The following MUSK variants were observed in gnomAD, a reference collection of about 807,000 sequenced individuals.
The protein encoded by MUSK is muscle, skeletal receptor tyrosine-protein kinase.
MUSK carries 55 observed loss-of-function variants against 88.7 expected under a neutral mutation model. That is an observed-to-expected ratio of 0.62 (90% CI 0.50 to 0.78). MUSK has a LOEUF of 0.78. MUSK is among the 30% of genes least tolerant of loss of function. The pLI is 0.00. For missense variants in MUSK, 1,015 were observed against 1,074.3 expected (o/e 0.94, Z 0.77); for synonymous variants, 387 against 391.9 (o/e 0.99, Z 0.15).
chr9:110,753,403 G>T lies in MUSK; in HGVS notation c.913+5603G>T, dbSNP rs377298576. 2.7e-5 allele frequency among the ~76,000 whole-genome samples: 4 copies of T among 150,306 alleles called. No individual in the cohort carries two copies. The East Asian group carries it at 7.8e-4, about 29-fold the overall frequency. On this transcript the variant is annotated intron_variant, in intron 7 of 14. Transcript: ENST00000374448. The stretch of plus-strand genomic sequence containing the variant: ...GCTGAAATTGCACCACTGCACCACG[G>T]CACTCCAGCCTGAGCAATAGAGTGA...
At chr9:110,682,459 C>T (rs1564210847) in intron 1 of MUSK, among the ~76,000 whole-genome samples, 1 of 151,980 alleles carries the variant, frequency 6.6e-6, no homozygotes, top group Admixed American at 6.6e-5. Flanking sequence ...AACTCTAAGC[C>T]CTGCTCTCCT....
chr9:110,747,500 G>C lies in MUSK; in HGVS notation c.754-141G>C, dbSNP rs897928703. 1.3e-5 allele frequency: 10 copies of C among 787,154 alleles called. No homozygotes were observed. In the Admixed American group the frequency reaches 2.0e-4, roughly 16 times the overall value. 48.8% of individuals were successfully genotyped at this position (787,154 alleles called of 1,614,324 possible). A position where few individuals can be genotyped will look rare whatever the true frequency, so the allele number is the denominator to read the frequency against. ...GTCACATTGCAAGGGCATGGACACA[G>C]GGAGGGAAAATCTTTTGGCTATGTT... is the stretch of plus-strand genomic sequence containing the variant. On this transcript the variant is annotated intron_variant, in intron 6 of 14. Coordinates refer to ENST00000374448, the MANE Select transcript of MUSK (RefSeq NM_005592.4).
intron 11 of MUSK, 143 bp downstream of exon 11, chr9:110,776,798 T>C: frequency 1.5e-6 from 1 of 681,364 alleles, no homozygotes. Context: ...ATCCAGGGTA[T>C]AACATGAGGG....
At position 110,695,068 on chromosome 9, in the gene MUSK, G is replaced by A. The variant is rs10980530; in HGVS notation, c.359-335G>A. 0.16 allele frequency among the ~76,000 whole-genome samples: 24,696 copies of A among 152,008 alleles called. 2,096 individuals are homozygous for A. Among genetic ancestry groups the A allele is most frequent in the East Asian group, 0.21 (1,099 of 5,158 alleles). ...TGTCTATCAGTATGAATTAAATAAT[G>A]TTGAATTGCTATGGTGACAGTCTAT... On this transcript the variant is annotated intron_variant, in intron 3 of 14. Transcript: ENST00000374448.
At chr9:110,689,711 C>CTA (rs1229456743) in intron 3 of MUSK, among the ~76,000 whole-genome samples, 1 of 32,704 alleles carries the variant, frequency 3.1e-5, no homozygotes, top group Non-Finnish European at 4.9e-5. Context: ...AAATATATAA[C>CTA]TATATATGTT....
In MUSK at chr9:110,701,663, T is replaced by G. The variant is rs1422426164; in HGVS notation, c.628+4197T>G. On this transcript the variant is annotated intron_variant, in intron 5 of 14. Transcript: ENST00000374448. ...TACTGTGCTCAGCTATTTATTTTAT[T>G]TATTTTATTTTATTTTTTTTACTTT... Among the ~76,000 whole-genome samples the G allele has an allele frequency of 7.8e-5, 2 of 25,696 alleles. 1 individual carries two copies. Among genetic ancestry groups the G allele is most frequent in the Non-Finnish European group, 1.4e-4 (2 of 14,166 alleles). The allele number at this position is 25,696 out of a possible 152,430, so 16.9% of individuals were successfully genotyped here.
At chr9:110,730,493 TATTTA>T (rs967045014) in intron 5 of MUSK, among the ~76,000 whole-genome samples, 2 of 152,116 alleles carry the variant, frequency 1.3e-5, no homozygotes, top group Admixed American at 1.3e-4. Flanking sequence ...ATGCCCATTT[TATTTA>T]ATAAGAAACA....
chr9:110,770,156 G>A (rs931004515), intron 9 of MUSK, among the ~76,000 whole-genome samples: 4 of 151,182 alleles, frequency 2.6e-5, no homozygotes, highest in Non-Finnish European at 5.9e-5. Flanking sequence ...ATTTCAATTT[G>A]TGCTACGAAT....
chr9:110,755,985 T>TATATATATAC (rs1433249035), intron 7 of MUSK, among the ~76,000 whole-genome samples: 4 of 142,100 alleles, frequency 2.8e-5, no homozygotes, highest in South Asian at 2.2e-4. Flanking sequence ...TATACATATA[T>TATATATATAC]ATATATATAT....
At chr9:110,758,614 G>C (rs2077358782) in intron 7 of MUSK, among the ~76,000 whole-genome samples, 1 of 152,170 alleles carries the variant, frequency 6.6e-6, no homozygotes, top group Non-Finnish European at 1.5e-5. Flanking sequence ...CAAATAGGAA[G>C]AGGGGAACTC....
chr9:110,721,696 C>T (rs1218732659), intron 5 of MUSK, among the ~76,000 whole-genome samples: 1 of 151,968 alleles, frequency 6.6e-6, no homozygotes. Context: ...AATGCAATTC[C>T]CATGGAAATA....
At chr9:110,704,810 C>A (rs769098131) in intron 5 of MUSK, among the ~76,000 whole-genome samples, 6 of 151,566 alleles carry the variant, frequency 4.0e-5, no homozygotes, top group Non-Finnish European at 7.4e-5. Flanking sequence ...ATGGTGAAAC[C>A]CCATCTCTAC....
At position 110,695,262 on chromosome 9, in the gene MUSK, T is replaced by C. The variant is rs2076416760; in HGVS notation, c.359-141T>C. ...TTGAGATCTACTGAGGAAAACTGTC[T>C]TTGCATTTGGTGAATTTTGTAATGT... On this transcript the variant is annotated intron_variant, in intron 3 of 14. Coordinates refer to ENST00000374448, the MANE Select transcript of MUSK (RefSeq NM_005592.4). The C allele has an allele frequency of 1.9e-5, 11 of 591,788 alleles. No homozygotes were observed. The East Asian group carries it at 3.6e-4, about 19-fold the overall frequency. 36.7% of individuals were successfully genotyped at this position (591,788 alleles called of 1,614,324 possible).
chr9:110,687,307 G>C, intron 3 of MUSK, 39 bp downstream of exon 3: 1 of 1,608,972 alleles, frequency 6.2e-7, no homozygotes, highest in Non-Finnish European at 8.5e-7. Context: ...TTTGAAAGTT[G>C]ACTTGGTACA....
intron 6 of MUSK, among the ~76,000 whole-genome samples, chr9:110,738,050 A>T (rs528046170): frequency 1.3e-5 from 2 of 152,194 alleles, no homozygotes; most frequent in South Asian, 4.1e-4. Flanking sequence ...TGCTATCTGA[A>T]GTTTGAAATT....
At position 110,785,795 on chromosome 9, in the gene MUSK, T is replaced by A. The variant is rs532528835; in HGVS notation, c.1778+77T>A. ...AAGCTACCAAACTATTAGCTTGGTATATATATAATATTAGCTTTATATATA... is the reference window on the plus strand; with the variant it reads ...AAGCTACCAAACTATTAGCTTGGTAAATATATAATATTAGCTTTATATATA... On this transcript the variant is annotated intron_variant, in intron 13 of 14. Coordinates refer to ENST00000374448, the MANE Select transcript of MUSK (RefSeq NM_005592.4). 8 of 964,544 alleles carry A rather than the reference T, an allele frequency of 8.3e-6. No individual in the cohort carries two copies. The East Asian group carries it at 2.2e-4, about 26-fold the overall frequency. The allele number at this position is 964,544 out of a possible 1,614,324, so 59.7% of individuals were successfully genotyped here. A position where few individuals can be genotyped will look rare whatever the true frequency, so the allele number is the denominator to read the frequency against.
chr9:110,803,764 G>A lies in MUSK; in HGVS notation c.*2776G>A, dbSNP rs1224760945. Among the ~76,000 whole-genome samples, 1 of 152,052 alleles carries A rather than the reference G, an allele frequency of 6.6e-6. No homozygotes were observed. Among genetic ancestry groups the A allele is most frequent in the Non-Finnish European group, 1.5e-5 (1 of 68,024 alleles). ...TCACTGACTTATTCCCTAAGTGCTC[G>A]ATCTAATGTTCTGAATCACAGGAGT... On this transcript the variant is annotated 3_prime_UTR_variant, in exon 15 of 15. Coordinates refer to ENST00000374448, the MANE Select transcript of MUSK (RefSeq NM_005592.4).
At chr9:110,746,794 G>A (rs1219418356) in intron 6 of MUSK, among the ~76,000 whole-genome samples, 1 of 152,182 alleles carries the variant, frequency 6.6e-6, no homozygotes, top group Non-Finnish European at 1.5e-5. Context: ...TGTTTTCGGT[G>A]ACCTTGAGGT....
intron 9 of MUSK, among the ~76,000 whole-genome samples, chr9:110,773,600 A>C (rs964897263): frequency 6.6e-6 from 1 of 151,968 alleles, no homozygotes; most frequent in Non-Finnish European, 1.5e-5. Context: ...CATTCATCTC[A>C]TCTTTACTCA....
Sources: gnomAD v4.1 joint callset for allele counts (sites outside exome capture counted in the v4.1 genomes callset) on GRCh38, gnomAD v4.1.1 for gene constraint, MANE v1.5 for transcripts, NCBI Gene and HGNC (gene_info 2026-07-23, HGNC 2026-07-21) for gene names.